The following MAST4 variants were observed in gnomAD, a reference collection of about 807,000 sequenced individuals.
MAST4 encodes microtubule-associated serine/threonine-protein kinase 4.
In MAST4, 89 loss-of-function variants were observed where a neutral mutation model predicts 162.7. The ratio of observed to expected loss-of-function variants is 0.55; its 90% CI spans 0.46 to 0.65. The LOEUF is 0.65. MAST4 is among the 30% of genes least tolerant of loss of function. The pLI, the probability that MAST4 is intolerant of heterozygous loss-of-function variation, is 0.00. For synonymous variants in MAST4, 1,479 were observed against 1,361.1 expected (o/e 1.09, Z -1.91); for missense variants, 3,153 against 3,374.0 (o/e 0.93, Z 1.62).
chr5:66,649,817 C>T (rs1290807415), intron 1 of MAST4, among the ~76,000 whole-genome samples: 1 of 152,122 alleles, frequency 6.6e-6, no homozygotes, highest in Non-Finnish European at 1.5e-5. Flanking sequence ...ATAATCCCAG[C>T]ACTTTGGGAG....
At position 67,062,251 on chromosome 5, in the gene MAST4, A is replaced by G. The variant is rs191721962; in HGVS notation, c.763+7759A>G. 1.4e-3 allele frequency among the ~76,000 whole-genome samples: 210 copies of G among 152,280 alleles called. 1 individual carries two copies. The highest frequency in any genetic ancestry group is 2.5e-3 in the Non-Finnish European group (173 of 68,028). On this transcript the variant is annotated intron_variant, in intron 5 of 28. Transcript: ENST00000403625. ...CATCTTTACTAAAAATACAAAAATTAGCCGGGCGTGGTGGCACATACCTGT... is the reference window on the plus strand; with the variant it reads ...CATCTTTACTAAAAATACAAAAATTGGCCGGGCGTGGTGGCACATACCTGT...
chr5:66,864,579 G>T (rs1235486035), intron 3 of MAST4, among the ~76,000 whole-genome samples: 34 of 152,114 alleles, frequency 2.2e-4, no homozygotes. Flanking sequence ...AAAAGTAACG[G>T]AAGAGAGATA....
intron 4 of MAST4, among the ~76,000 whole-genome samples, chr5:66,993,847 C>T (rs1170040023): frequency 6.6e-6 from 1 of 151,522 alleles, no homozygotes; most frequent in Non-Finnish European, 1.5e-5. Flanking sequence ...TTAAGAATCA[C>T]CTGGACATTT....
At chr5:66,746,852 CCAGTGT>C (rs1400401607) in intron 1 of MAST4, among the ~76,000 whole-genome samples, 1 of 152,098 alleles carries the variant, frequency 6.6e-6, no homozygotes, top group Admixed American at 6.5e-5. Context: ...CCGTGTTCTC[CCAGTGT>C]CATTGTTCCT....
chr5:66,975,895 T>C (rs530271131), intron 4 of MAST4, among the ~76,000 whole-genome samples: 110 of 152,224 alleles, frequency 7.2e-4, no homozygotes, highest in African/African-American at 2.6e-3. Context: ...CTCAGGAGAC[T>C]GAGGCATGAA....
intron 4 of MAST4, among the ~76,000 whole-genome samples, chr5:66,918,758 A>G (rs1224011450): frequency 6.6e-6 from 1 of 152,220 alleles, no homozygotes; most frequent in Non-Finnish European, 1.5e-5. Flanking sequence ...TTGATTAAGT[A>G]GAAAAAATTA....
At chr5:66,694,833 T>C (rs1254943099) in intron 1 of MAST4, among the ~76,000 whole-genome samples, 2 of 152,212 alleles carry the variant, frequency 1.3e-5, no homozygotes, top group Non-Finnish European at 2.9e-5. Context: ...AAATGTCTTA[T>C]ATTGAGAAAT....
At chr5:66,610,639 G>A (rs114307780) in intron 1 of MAST4, among the ~76,000 whole-genome samples, 3,183 of 152,236 alleles carry the variant, frequency 0.021, 55 homozygotes, top group Middle Eastern at 0.048. Context: ...GTCTGTCTTC[G>A]CTATAGTGTT....
chr5:67,051,336 C>G (rs75962809), intron 4 of MAST4, among the ~76,000 whole-genome samples: 7 of 152,064 alleles, frequency 4.6e-5, no homozygotes. Context: ...GACTGCCTGA[C>G]GTGCAGGTGC....
chr5:66,919,459 G>C (rs935708996), intron 4 of MAST4, among the ~76,000 whole-genome samples: 10 of 151,638 alleles, frequency 6.6e-5, no homozygotes, highest in Admixed American at 2.6e-4. Flanking sequence ...TCAGGAATTT[G>C]TGACCAGCCT....
rs73765343 is a variant in MAST4 at position 66,862,041 on chromosome 5, C to T, written c.643-37910C>T. Among the ~76,000 whole-genome samples the T allele has an allele frequency of 5.4e-3, 817 of 152,244 alleles. 5 individuals are homozygous for T. Among genetic ancestry groups the T allele is most frequent in the African/African-American group, 0.018 (757 of 41,554 alleles). ...AAGCCAGGCTGCTTCTCCTTTCCTGCGACCCTGGCCATTCTGTTCATGCCT... is the reference window on the plus strand; with the variant it reads ...AAGCCAGGCTGCTTCTCCTTTCCTGTGACCCTGGCCATTCTGTTCATGCCT... On this transcript the variant is annotated intron_variant, in intron 3 of 28. Transcript: ENST00000403625.
intron 1 of MAST4, among the ~76,000 whole-genome samples, chr5:66,627,600 A>G (rs4700140): frequency 0.72 from 109,047 of 152,074 alleles, 40,790 homozygotes; most frequent in East Asian, 0.93. Context: ...CTCAGCATAT[A>G]CAATTTGGGC....
chr5:67,063,074 C>T (rs1759820500), intron 5 of MAST4, among the ~76,000 whole-genome samples: 1 of 152,154 alleles, frequency 6.6e-6, no homozygotes, highest in Non-Finnish European at 1.5e-5. Context: ...TATCATTTCA[C>T]AGTGCATCTG....
intron 4 of MAST4, among the ~76,000 whole-genome samples, chr5:66,960,933 G>A (rs529686919): frequency 1.3e-5 from 2 of 152,158 alleles, no homozygotes; most frequent in South Asian, 4.1e-4. Flanking sequence ...ATCTTTGGAT[G>A]TTGTTTTGGT....
chr5:67,057,268 A>G (rs1037592636), intron 5 of MAST4, among the ~76,000 whole-genome samples: 1 of 152,184 alleles, frequency 6.6e-6, no homozygotes, highest in Admixed American at 6.5e-5. Flanking sequence ...AAAGAGTGTC[A>G]GGCGAGGTTT....
chr5:67,057,598 A>C (rs976705029), intron 5 of MAST4, among the ~76,000 whole-genome samples: 3 of 150,654 alleles, frequency 2.0e-5, no homozygotes, highest in African/African-American at 7.4e-5. Flanking sequence ...CATTAAAAAA[A>C]AAAAAAAGAA....
intron 4 of MAST4, among the ~76,000 whole-genome samples, chr5:67,012,011 A>T (rs555837712): frequency 3.5e-4 from 53 of 151,832 alleles, no homozygotes; most frequent in South Asian, 8.3e-4. Flanking sequence ...TGTGTGTGTG[A>T]GAGAGAGTGT....
At chr5:66,674,868 A>C (rs958238465) in intron 1 of MAST4, among the ~76,000 whole-genome samples, 19 of 152,232 alleles carry the variant, frequency 1.2e-4, no homozygotes, top group African/African-American at 4.3e-4. Flanking sequence ...TGAATAACTT[A>C]AGTACAAATG....
intron 5 of MAST4, among the ~76,000 whole-genome samples, chr5:67,056,842 C>T (rs1758886597): frequency 6.6e-6 from 1 of 151,888 alleles, no homozygotes; most frequent in Non-Finnish European, 1.5e-5. Flanking sequence ...CATTATAGGC[C>T]ATGCCACCAT....
Sources: allele counts gnomAD v4.1 joint callset (sites outside exome capture counted in the v4.1 genomes callset), GRCh38; gene constraint gnomAD v4.1.1; transcripts MANE v1.5; gene names NCBI Gene and HGNC (gene_info 2026-07-23, HGNC 2026-07-21).